The following DENND1A variants were observed in gnomAD, a reference collection of about 807,000 sequenced individuals.
DENND1A encodes DENN domain-containing protein 1A.
Under a neutral mutation model 113.7 loss-of-function variants are expected in DENND1A, and 51 were observed. That is an observed-to-expected ratio of 0.45 (90% CI 0.36 to 0.57). The LOEUF (loss-of-function observed/expected upper bound fraction) is 0.57, where lower values mean the gene tolerates loss of function less well. DENND1A is among the 20% of genes least tolerant of loss of function. DENND1A has a pLI of 0.00. For synonymous variants in DENND1A, 565 were observed against 570.8 expected (o/e 0.99, Z 0.14); for missense variants, 1,258 against 1,395.9 (o/e 0.90, Z 1.57).
chr9:123,488,975 C>T (rs73575589), intron 13 of DENND1A, among the ~76,000 whole-genome samples: 2,517 of 152,276 alleles, frequency 0.017, 35 homozygotes, highest in African/African-American at 0.036. Context: ...ACACTCAAAA[C>T]ATTTCCTATA....
At chr9:123,545,669 G>A (rs1248206408) in intron 13 of DENND1A, among the ~76,000 whole-genome samples, 2 of 151,908 alleles carry the variant, frequency 1.3e-5, no homozygotes. Flanking sequence ...GGGTTTCACT[G>A]TGTTAGCCAG....
chr9:123,605,150 G>A (rs903892493), intron 11 of DENND1A, among the ~76,000 whole-genome samples: 1 of 152,124 alleles, frequency 6.6e-6, no homozygotes, highest in African/African-American at 2.4e-5. Context: ...TCATTTACAA[G>A]CCACCGGATC....
At chr9:123,440,898 T>G (rs558315421) in intron 18 of DENND1A, among the ~76,000 whole-genome samples, 12 of 152,352 alleles carry the variant, frequency 7.9e-5, no homozygotes, top group Admixed American at 5.9e-4. Flanking sequence ...TGTTACAAAG[T>G]CATTACAAAA....
At chr9:123,892,922 C>T (rs989166116) in intron 1 of DENND1A, among the ~76,000 whole-genome samples, 6 of 151,982 alleles carry the variant, frequency 3.9e-5, no homozygotes, top group African/African-American at 1.2e-4. Flanking sequence ...GCAGGGGTTG[C>T]GGGGAGCCGA....
At chr9:123,483,507 G>T (rs2050527778) in intron 13 of DENND1A, among the ~76,000 whole-genome samples, 1 of 152,274 alleles carries the variant, frequency 6.6e-6, no homozygotes, top group Non-Finnish European at 1.5e-5. Context: ...AGAACACACA[G>T]GCTTCCCAGG....
intron 21 of DENND1A, among the ~76,000 whole-genome samples, chr9:123,395,724 G>A (rs1268550939): frequency 2.0e-5 from 3 of 152,234 alleles, no homozygotes; most frequent in Non-Finnish European, 2.9e-5. Context: ...TTAGAGGGCT[G>A]GGGATGCACT....
chr9:123,598,416 G>A (rs2059793272), intron 11 of DENND1A, among the ~76,000 whole-genome samples: 2 of 147,674 alleles, frequency 1.4e-5, no homozygotes, highest in Non-Finnish European at 3.0e-5. Flanking sequence ...GAGGTTGGGG[G>A]AGGGGGGAAA....
intron 13 of DENND1A, among the ~76,000 whole-genome samples, chr9:123,488,702 C>T (rs142248904): frequency 0.011 from 1,736 of 152,318 alleles, 32 homozygotes; most frequent in African/African-American, 0.04. Context: ...ATGTAGTTCT[C>T]TTAAGGAGAC....
chr9:123,815,317 ATATTCC>A (rs1286334451), intron 2 of DENND1A, among the ~76,000 whole-genome samples: 1 of 152,230 alleles, frequency 6.6e-6, no homozygotes, highest in Non-Finnish European at 1.5e-5. Flanking sequence ...AGCAGACGAA[ATATTCC>A]TAACTAATCA....
intron 21 of DENND1A, among the ~76,000 whole-genome samples, chr9:123,396,844 C>T (rs763494762): frequency 3.3e-5 from 5 of 152,114 alleles, no homozygotes; most frequent in South Asian, 2.1e-4. Flanking sequence ...ATCAGATGTC[C>T]GGGAGTCCAG....
At chr9:123,534,035 T>C (rs1436421477) in intron 13 of DENND1A, among the ~76,000 whole-genome samples, 1 of 152,258 alleles carries the variant, frequency 6.6e-6, no homozygotes, top group African/African-American at 2.4e-5. Flanking sequence ...TCATCTATTT[T>C]GTAATTCCAT....
intron 13 of DENND1A, among the ~76,000 whole-genome samples, chr9:123,466,714 T>C (rs1468806039): frequency 6.6e-6 from 1 of 152,194 alleles, no homozygotes. Context: ...ATTTTCAGGA[T>C]AAATGGTTGG....
intron 11 of DENND1A, among the ~76,000 whole-genome samples, chr9:123,604,611 G>C (rs1346643): frequency 0.21 from 32,402 of 152,188 alleles, 4,053 homozygotes; most frequent in Admixed American, 0.27. Flanking sequence ...GATACAGAAA[G>C]ATGTAGTATC....
chr9:123,495,752 T>A (rs1386052944), intron 13 of DENND1A, among the ~76,000 whole-genome samples: 1 of 152,234 alleles, frequency 6.6e-6, no homozygotes, highest in African/African-American at 2.4e-5. Context: ...CACACTAAGC[T>A]ATCTTCATGG....
At chr9:123,504,290 A>G (rs2052731447) in intron 13 of DENND1A, among the ~76,000 whole-genome samples, 1 of 151,680 alleles carries the variant, frequency 6.6e-6, no homozygotes, top group African/African-American at 2.4e-5. Context: ...CACCTACCCT[A>G]CCCTGTTGTA....
intron 1 of DENND1A, among the ~76,000 whole-genome samples, chr9:123,909,316 T>C (rs1588194625): frequency 6.7e-6 from 1 of 149,488 alleles, no homozygotes; most frequent in Admixed American, 6.7e-5. Flanking sequence ...ACCCGCACAA[T>C]GTGCACATGT....
chr9:123,382,021 TG>T lies in DENND1A; in HGVS notation c.2623del (p.Gln875AsnfsTer129). On this transcript the variant is annotated frameshift_variant, in exon 24 of 24. Coordinates refer to ENST00000394215, the MANE Select transcript of DENND1A (RefSeq NM_001352964.2). LOFTEE classifies it high-confidence loss of function. ...TPNVATPFTP[Q>X]FSFPPAGTPT... ...TGTCCCTGCAGGGGGGAAGCTGAAT[TG>T]GGGGGTGAATGGGGTGGCTACATTC... 3 of 868,058 alleles carry T rather than the reference TG, an allele frequency of 3.5e-6. No homozygotes were observed. The highest frequency in any genetic ancestry group is 4.1e-6 in the Non-Finnish European group (3 of 727,658). The allele number at this position is 868,058 out of a possible 1,614,324, so 53.8% of individuals were successfully genotyped here.
At chr9:123,548,226 A>T (rs911423456) in intron 13 of DENND1A, among the ~76,000 whole-genome samples, 1 of 152,144 alleles carries the variant, frequency 6.6e-6, no homozygotes, top group South Asian at 2.1e-4. Flanking sequence ...CCAGGACATG[A>T]TCTTGACTTC....
chr9:123,711,512 T>C (rs1280365847), intron 5 of DENND1A, among the ~76,000 whole-genome samples: 1 of 78,268 alleles, frequency 1.3e-5, no homozygotes, highest in South Asian at 4.1e-4. Flanking sequence ...TATGTATATA[T>C]GTATATATAT....
Sources: gnomAD v4.1 joint callset for allele counts (sites outside exome capture counted in the v4.1 genomes callset) on GRCh38, gnomAD v4.1.1 for gene constraint, MANE v1.5 for transcripts, NCBI Gene and HGNC (gene_info 2026-07-23, HGNC 2026-07-21) for gene names.